RUNX2: variants seen among roughly 807,000 people sequenced by gnomAD.
RUNX2 encodes RUNX family transcription factor 2, also known as runt-related transcription factor 2.
A neutral mutation model predicts 51.7 loss-of-function variants in RUNX2; 10 were observed. The observed-to-expected ratio is 0.19, with a 90% CI of 0.12 to 0.33. The LOEUF is 0.33. RUNX2 is among the 10% of genes least tolerant of loss of function. The pLI is 1.00. For synonymous variants in RUNX2, 276 were observed against 273.6 expected, an observed-to-expected ratio of 1.01 and a Z score of -0.09; for missense variants, 562 against 691.3, an observed-to-expected ratio of 0.81 and a Z score of 2.10.
At chr6:45,523,667 G>C (rs1231559810) in intron 7 of RUNX2, among the ~76,000 whole-genome samples, 1 of 151,800 alleles carries the variant, frequency 6.6e-6, no homozygotes, top group African/African-American at 2.4e-5. Flanking sequence ...TGGTGCGGTG[G>C]CTCACGCCTG....
intron 7 of RUNX2, among the ~76,000 whole-genome samples, chr6:45,534,562 A>T (rs1404532060): frequency 6.6e-6 from 1 of 152,212 alleles, no homozygotes; most frequent in Non-Finnish European, 1.5e-5. Context: ...TTCATAGGAT[A>T]AAGAGGGCAA....
At chr6:45,432,625 T>C (rs1197112797) in intron 4 of RUNX2, among the ~76,000 whole-genome samples, 2 of 152,204 alleles carry the variant, frequency 1.3e-5, no homozygotes, top group African/African-American at 4.8e-5. Flanking sequence ...ATATTAATAG[T>C]TCCATACTAT....
At chr6:45,437,189 T>G (rs1057293289) in intron 4 of RUNX2, among the ~76,000 whole-genome samples, 4 of 152,218 alleles carry the variant, frequency 2.6e-5, no homozygotes, top group Non-Finnish European at 4.4e-5. Context: ...AAGCATCAGA[T>G]GTAATATTTC....
intron 5 of RUNX2, among the ~76,000 whole-genome samples, chr6:45,489,637 C>T (rs542384282): frequency 3.9e-5 from 6 of 152,268 alleles, no homozygotes; most frequent in South Asian, 2.1e-4. Context: ...GGGACAATTC[C>T]GTAAGCTTTC....
chr6:45,378,596 C>CG lies in RUNX2; in HGVS notation c.59-43997_59-43996insG, dbSNP rs1797124054. On this transcript the variant is annotated intron_variant, in intron 2 of 8. Coordinates refer to ENST00000647337, the MANE Select transcript of RUNX2 (RefSeq NM_001024630.4). ...TGCTATTAATGTTTTTTCCCCAACT[C>CG]ATGTTACTAGACGCAGGCGTTTAAC... 2.0e-5 allele frequency among the ~76,000 whole-genome samples: 3 copies of CG among 151,846 alleles called. No homozygotes were observed. The South Asian group carries it at 6.2e-4, about 31-fold the overall frequency.
chr6:45,406,902 G>A (rs1369000522), intron 2 of RUNX2, among the ~76,000 whole-genome samples: 1 of 152,016 alleles, frequency 6.6e-6, no homozygotes, highest in African/African-American at 2.4e-5. Context: ...GAACCATAGA[G>A]CTTTTAAAAA....
chr6:45,438,292 G>C (rs1042914325), intron 5 of RUNX2, among the ~76,000 whole-genome samples: 1 of 152,112 alleles, frequency 6.6e-6, no homozygotes, highest in Non-Finnish European at 1.5e-5. Flanking sequence ...GGAAATGAGT[G>C]AATAATTATT....
At chr6:45,431,121 G>T (rs1297692550) in intron 3 of RUNX2, among the ~76,000 whole-genome samples, 2 of 152,192 alleles carry the variant, frequency 1.3e-5, no homozygotes, top group Non-Finnish European at 2.9e-5. Flanking sequence ...ATTAACTGTT[G>T]AAGATTAAGC....
chr6:45,439,524 G>T (rs1303407701), intron 5 of RUNX2, among the ~76,000 whole-genome samples: 2 of 152,200 alleles, frequency 1.3e-5, no homozygotes, highest in Non-Finnish European at 2.9e-5. Flanking sequence ...TGAAAAGGCA[G>T]GACGTCCATT....
intron 5 of RUNX2, among the ~76,000 whole-genome samples, chr6:45,451,262 G>A (rs1355408997): frequency 6.6e-6 from 1 of 152,174 alleles, no homozygotes; most frequent in Non-Finnish European, 1.5e-5. Context: ...CTGGGGCTCC[G>A]TAAGAATTCT....
At chr6:45,454,716 T>C (rs1223111191) in intron 5 of RUNX2, among the ~76,000 whole-genome samples, 2 of 152,206 alleles carry the variant, frequency 1.3e-5, no homozygotes, top group East Asian at 3.8e-4. Context: ...GTTACAGCAA[T>C]GAGGTCCTCC....
At chr6:45,394,538 G>A (rs947942096) in intron 2 of RUNX2, among the ~76,000 whole-genome samples, 7 of 152,224 alleles carry the variant, frequency 4.6e-5, no homozygotes, top group South Asian at 2.1e-4. Context: ...CTGATGTGGT[G>A]GTAAAGCACA....
intron 4 of RUNX2, among the ~76,000 whole-genome samples, chr6:45,436,328 C>A (rs1798684956): frequency 1.3e-5 from 2 of 151,148 alleles, no homozygotes; most frequent in Non-Finnish European, 1.5e-5. Flanking sequence ...ATTTTAGGGT[C>A]TGAAAAATGA....
At chr6:45,471,611 A>G (rs945334149) in intron 5 of RUNX2, among the ~76,000 whole-genome samples, 3 of 151,758 alleles carry the variant, frequency 2.0e-5, no homozygotes, top group African/African-American at 7.3e-5. Context: ...CGCCCAGCTA[A>G]TTTTTTGTAT....
intron 2 of RUNX2, among the ~76,000 whole-genome samples, chr6:45,358,375 A>G (rs911274761): frequency 1.3e-5 from 2 of 152,194 alleles, no homozygotes; most frequent in East Asian, 3.8e-4. Context: ...TGGCTATCAC[A>G]CCGGATAAAA....
intron 2 of RUNX2, among the ~76,000 whole-genome samples, chr6:45,360,821 G>A (rs970993384): frequency 2.0e-5 from 3 of 152,168 alleles, no homozygotes; most frequent in African/African-American, 7.2e-5. Flanking sequence ...AGACCTAAAC[G>A]TAGGTAGCTT....
At chr6:45,367,458 TAAA>T (rs929113976) in intron 2 of RUNX2, among the ~76,000 whole-genome samples, 7 of 146,244 alleles carry the variant, frequency 4.8e-5, no homozygotes, top group African/African-American at 1.8e-4. Flanking sequence ...AGACTCGGAT[TAAA>T]AAAAAAAATC....
chr6:45,408,265 C>G (rs1245601325), intron 2 of RUNX2, among the ~76,000 whole-genome samples: 1 of 151,554 alleles, frequency 6.6e-6, no homozygotes, highest in Non-Finnish European at 1.5e-5. Context: ...AAAGGCAATG[C>G]ATAACAGTAA....
intron 7 of RUNX2, 89 bp downstream of exon 7, chr6:45,512,496 G>A: frequency 7.1e-7 from 1 of 1,411,232 alleles, no homozygotes; most frequent in Non-Finnish European, 9.9e-7. Flanking sequence ...CATGCTCACA[G>A]TGACTCTCTA....
Sources: allele counts gnomAD v4.1 joint callset (sites outside exome capture counted in the v4.1 genomes callset), GRCh38; gene constraint gnomAD v4.1.1; transcripts MANE v1.5; gene names NCBI Gene and HGNC (gene_info 2026-07-23, HGNC 2026-07-21).